SULF2: variants seen among roughly 807,000 people sequenced by gnomAD.
SULF2 encodes the protein extracellular sulfatase Sulf-2.
Under a neutral mutation model 107.7 loss-of-function variants are expected in SULF2, and 52 were observed. The ratio of observed to expected loss-of-function variants is 0.48; its 90% CI spans 0.39 to 0.61. The LOEUF is 0.61. SULF2 is among the 20% of genes least tolerant of loss of function. The pLI is 0.00. For missense variants in SULF2, 993 were observed against 1,177.3 expected, an observed-to-expected ratio of 0.84 and a Z score of 2.29; for synonymous variants, 460 against 464.3, an observed-to-expected ratio of 0.99 and a Z score of 0.12.
At chr20:47,761,135 G>GCT (rs1488340061) in intron 1 of SULF2, among the ~76,000 whole-genome samples, 1 of 152,028 alleles carries the variant, frequency 6.6e-6, no homozygotes, top group Non-Finnish European at 1.5e-5. Context: ...TGATCCTACC[G>GCT]CTGCAGCTGT....
Position 47,658,036 on chromosome 20 carries a change from ATC to A in SULF2, c.*324_*325del. On this transcript the variant is annotated 3_prime_UTR_variant, in exon 21 of 21. Coordinates refer to ENST00000688720, the MANE Select transcript of SULF2 (RefSeq NM_001387048.1). The stretch of plus-strand genomic sequence containing the variant: ...GCCCTTGGGAGAAATTTCCAAGGAA[ATC>A]TCTCTCGCTCGCTCTCTCCGTTTTC... 3.1e-6 allele frequency: 1 copy of A among 327,152 alleles called. No homozygotes were observed. Among genetic ancestry groups the A allele is most frequent in the Non-Finnish European group, 5.6e-6 (1 of 178,678 alleles). The allele number at this position is 327,152 out of a possible 1,614,324, so 20.3% of individuals were successfully genotyped here.
chr20:47,726,867 C>T (rs1319686317), intron 3 of SULF2, among the ~76,000 whole-genome samples: 1 of 152,164 alleles, frequency 6.6e-6, no homozygotes, highest in Non-Finnish European at 1.5e-5. Context: ...TCACTTTTGA[C>T]CCTGCAGCTG....
chr20:47,770,028 C>T (rs1489955071), intron 1 of SULF2, among the ~76,000 whole-genome samples: 1 of 140,092 alleles, frequency 7.1e-6, no homozygotes, highest in Non-Finnish European at 1.5e-5. Flanking sequence ...GGGGTTCTAG[C>T]TTGCGGGTGA....
chr20:47,691,401 A>G lies in SULF2; in HGVS notation c.568-1106T>C, dbSNP rs1288204374. On this transcript the variant is annotated intron_variant, in intron 4 of 20. Transcript: ENST00000688720. The stretch of plus-strand genomic sequence containing the variant: ...TGAATGATGAGAAGGAGCTGGGCAT[A>G]GGAAGATATGTATCACTGGATTTTG... 4.6e-5 allele frequency among the ~76,000 whole-genome samples: 7 copies of G among 152,210 alleles called. No homozygotes were observed. The East Asian group carries it at 1.2e-3, about 25-fold the overall frequency.
rs113039573 is a variant in SULF2, at chr20:47,690,018, A to C, written c.737+108T>G. On this transcript the variant is annotated intron_variant, in intron 5 of 20. Transcript: ENST00000688720. The stretch of plus-strand genomic sequence containing the variant: ...TTGGGGTCTTTAAACCAGGAGGATT[A>C]GAGAGGAGGCACAGTGAAGTCATGG... 9.9e-4 allele frequency: 1,083 copies of C among 1,098,760 alleles called. 7 individuals are homozygous for C. The African/African-American group carries it at 0.016, about 16-fold the overall frequency. 68.1% of individuals were successfully genotyped at this position (1,098,760 alleles called of 1,614,324 possible). A position where few individuals can be genotyped will look rare whatever the true frequency, so the allele number is the denominator to read the frequency against.
intron 1 of SULF2, among the ~76,000 whole-genome samples, chr20:47,775,688 C>G (rs546262108): frequency 6.6e-6 from 1 of 152,302 alleles, no homozygotes; most frequent in Admixed American, 6.5e-5. Context: ...AAGCCTAGCA[C>G]AGATGGTACA....
At position 47,662,532 on chromosome 20, in the gene SULF2, G is replaced by A. The variant is rs527632832; in HGVS notation, c.2370+538C>T. On this transcript the variant is annotated intron_variant, in intron 17 of 20. Transcript: ENST00000688720. Reference sequence around the variant, plus strand: ...AGTACAGGAAAGCTCTAGTGCTGGAGCTCAGTAGTGACTGTCCCTGTACAA... The same window carrying A: ...AGTACAGGAAAGCTCTAGTGCTGGAACTCAGTAGTGACTGTCCCTGTACAA... 3.3e-5 allele frequency among the ~76,000 whole-genome samples: 5 copies of A among 152,340 alleles called. No individual in the cohort carries two copies. In the East Asian group the frequency reaches 9.6e-4, roughly 29 times the overall value.
At position 47,666,594 on chromosome 20, in the gene SULF2, G is replaced by T; in HGVS notation, c.1577-106C>A. ...GATAGGGCCGGGCTTCCAAGCATGA[G>T]GCTCAGCTTTGCCTGCGACTCGAGG... is the stretch of plus-strand genomic sequence containing the variant. On this transcript the variant is annotated intron_variant, in intron 11 of 20. Transcript: ENST00000688720. The surrounding 1 kb of genome is among the most constrained non-coding windows in gnomAD (Gnocchi z 5.4). The T allele has an allele frequency of 1.1e-6, 1 of 909,568 alleles. No individual in the cohort carries two copies. Among genetic ancestry groups the T allele is most frequent in the East Asian group, 2.5e-5 (1 of 40,406 alleles). The allele number at this position is 909,568 out of a possible 1,614,324, so 56.3% of individuals were successfully genotyped here.
chr20:47,692,410 A>G (rs563243844), intron 4 of SULF2, among the ~76,000 whole-genome samples: 3 of 152,304 alleles, frequency 2.0e-5, no homozygotes, highest in Non-Finnish European at 4.4e-5. Context: ...ATGTATATAT[A>G]TTATACACAC....
rs991673061 is a variant in SULF2, at chr20:47,736,843, C to T, written c.275G>A (p.Arg92His). The T allele has an allele frequency of 3.1e-6, 5 of 1,614,200 alleles. No individual in the cohort carries two copies. The highest frequency in any genetic ancestry group is 2.2e-5 in the East Asian group (1 of 44,874). Residue 92 changes from arginine to histidine, a missense_variant, in exon 3 of 21, where the codon CGC (arginine) becomes CAC (histidine). Arg to His is a conservative substitution (Grantham distance 29). This residue lies in a region of SULF2 where 388 missense variants were observed against 449.2 expected (regional missense o/e 0.86). Transcript: ENST00000688720. ...FVTTPMCCPS[R>H]SSILTGKYVH... Reference sequence around the variant, plus strand: ...GTACTTGCCAGTGAGGATGGAGGAGCGTGAGGGGCAGCACATGGGTGTGGT... The same window carrying T: ...GTACTTGCCAGTGAGGATGGAGGAGTGTGAGGGGCAGCACATGGGTGTGGT...
chr20:47,658,970 CT>C (rs1336273978), intron 20 of SULF2, among the ~76,000 whole-genome samples: 1 of 152,228 alleles, frequency 6.6e-6, no homozygotes, highest in African/African-American at 2.4e-5. Flanking sequence ...GGTTGCCAGT[CT>C]CTTAGTCCCT....
chr20:47,709,212 G>A (rs1352314282), intron 3 of SULF2, among the ~76,000 whole-genome samples: 10 of 152,186 alleles, frequency 6.6e-5, no homozygotes, highest in Non-Finnish European at 1.5e-4. Flanking sequence ...GGGAAGCTTG[G>A]ATTCGCTGAG....
intron 20 of SULF2, among the ~76,000 whole-genome samples, 176 bp from the exon 21 acceptor site, chr20:47,658,568 ACAC>A (rs1327804005): frequency 6.6e-6 from 1 of 152,186 alleles, no homozygotes. Context: ...GTTTACTTAT[ACAC>A]CCAATGCCTG....
rs75927842 is a variant in SULF2 at position 47,662,004 on chromosome 20, T to G, written c.2371-108A>C. ...CAGGCAGGTGGCGGGTGGAAGGTGC[T>G]AGGGGCTGGTGACCTGTTTACTCCA... is the stretch of plus-strand genomic sequence containing the variant. On this transcript the variant is annotated intron_variant, in intron 17 of 20. Transcript: ENST00000688720. 3.8e-3 allele frequency: 4,573 copies of G among 1,203,842 alleles called. 164 individuals are homozygous for G. In the African/African-American group the frequency reaches 0.063, roughly 16 times the overall value. 74.6% of individuals were successfully genotyped at this position (1,203,842 alleles called of 1,614,324 possible).
chr20:47,719,628 C>T (rs2089229068), intron 3 of SULF2, among the ~76,000 whole-genome samples: 2 of 152,236 alleles, frequency 1.3e-5, no homozygotes, highest in African/African-American at 4.8e-5. Flanking sequence ...CTCAACTCCA[C>T]CTATATTCTA....
At chr20:47,700,937 C>T (rs1003569560) in intron 4 of SULF2, among the ~76,000 whole-genome samples, 12 of 152,180 alleles carry the variant, frequency 7.9e-5, no homozygotes, top group Admixed American at 2.0e-4. Context: ...TGAGCCACTG[C>T]GCCTGGCCGG....
At chr20:47,762,877 A>G (rs1231559228) in intron 1 of SULF2, among the ~76,000 whole-genome samples, 1 of 152,240 alleles carries the variant, frequency 6.6e-6, no homozygotes, top group Non-Finnish European at 1.5e-5. Context: ...CCGGCACCAG[A>G]AGCCAGAGAA....
At chr20:47,690,046 G>A (rs1300436068) in intron 5 of SULF2, 80 bp downstream of exon 5, 6 of 1,253,670 alleles carry the variant, frequency 4.8e-6, no homozygotes, top group African/African-American at 1.5e-5. Flanking sequence ...AGTCATGGTG[G>A]TGACAGTACT....
Position 47,690,315 on chromosome 20 carries a change from A to G in SULF2, c.568-20T>C. 1 of 1,438,312 alleles carries G rather than the reference A, an allele frequency of 7.0e-7. No individual in the cohort carries two copies. The highest frequency in any genetic ancestry group is 2.6e-5 in the East Asian group (1 of 38,512). The allele number at this position is 1,438,312 out of a possible 1,614,324, so 89.1% of individuals were successfully genotyped here. A position where few individuals can be genotyped will look rare whatever the true frequency, so the allele number is the denominator to read the frequency against. On this transcript the variant is annotated intron_variant, in intron 4 of 20. Transcript: ENST00000688720. ...GTAATCCTGGGGGGTGGGGAGAGAC[A>G]GGAGAACAGGTGAGGAGCCAGGTAT...
Sources: allele counts gnomAD v4.1 joint callset (sites outside exome capture counted in the v4.1 genomes callset), GRCh38; gene constraint gnomAD v4.1.1; regional missense constraint gnomAD v4.1.1; non-coding constraint Gnocchi (gnomAD v3.1); transcripts MANE v1.5; gene names NCBI Gene and HGNC (gene_info 2026-07-23, HGNC 2026-07-21).